The following EVA1A variants were observed in gnomAD, a reference collection of about 807,000 sequenced individuals.
EVA1A encodes eva-1 homolog A, regulator of programmed cell death, also known as protein eva-1 homolog A.
A neutral mutation model predicts 9.8 loss-of-function variants in EVA1A; 7 were observed. That is an observed-to-expected ratio of 0.71 (90% CI 0.41 to 1.34). EVA1A has a LOEUF of 1.34. Ranked by LOEUF, EVA1A falls within the 40% of genes most tolerant of loss-of-function variation. The probability of loss-of-function intolerance (pLI) is 0.01; values close to 1 mark genes in which losing one functional copy is unlikely to be tolerated. For missense variants in EVA1A, 206 were observed against 205.9 expected (o/e 1.00, Z 0.00); for synonymous variants, 90 against 85.6 (o/e 1.05, Z -0.28).
chr2:75,508,397 T>A (rs895297637), intron 3 of EVA1A, among the ~76,000 whole-genome samples: 1 of 152,146 alleles, frequency 6.6e-6, no homozygotes, highest in Non-Finnish European at 1.5e-5. Context: ...CCTGGGGGTA[T>A]GGGTCTATAA....
At chr2:75,508,417 AG>A (rs1049309290) in intron 3 of EVA1A, among the ~76,000 whole-genome samples, 94 of 152,258 alleles carry the variant, frequency 6.2e-4, no homozygotes, top group African/African-American at 2.1e-3. Flanking sequence ...AACGGCCTGT[AG>A]GGGTGAAATA....
Position 75,493,034 on chromosome 2 carries a change from T to C in EVA1A, c.*202A>G. The C allele has an allele frequency of 5.7e-6, 4 of 697,230 alleles. No individual in the cohort carries two copies. The highest frequency in any genetic ancestry group is 4.2e-4 in the Middle Eastern group (1 of 2,366). The allele number at this position is 697,230 out of a possible 1,614,324, so 43.2% of individuals were successfully genotyped here. A position where few individuals can be genotyped will look rare whatever the true frequency, so the allele number is the denominator to read the frequency against. ...GCACCATTCCGAGACCTGGAAAGGG[T>C]GATGAACTGCTTTGATTTTTCTACT... On this transcript the variant is annotated 3_prime_UTR_variant, in exon 4 of 4. Coordinates refer to ENST00000393913, the MANE Select transcript of EVA1A (RefSeq NM_001135032.2).
At chr2:75,513,070 C>A (rs1293674405) in intron 3 of EVA1A, among the ~76,000 whole-genome samples, 1 of 152,138 alleles carries the variant, frequency 6.6e-6, no homozygotes, top group Non-Finnish European at 1.5e-5. Context: ...TCAGCCTGAA[C>A]AACAGCAGCC....
At chr2:75,516,846 C>T (rs1378697581) in intron 3 of EVA1A, among the ~76,000 whole-genome samples, 1 of 152,210 alleles carries the variant, frequency 6.6e-6, no homozygotes, top group East Asian at 1.9e-4. Flanking sequence ...AACCTCTCTT[C>T]CAGCTCTTGT....
intron 1 of EVA1A, among the ~76,000 whole-genome samples, chr2:75,536,519 G>C (rs1250885099): frequency 6.6e-6 from 1 of 151,072 alleles, no homozygotes; most frequent in African/African-American, 2.4e-5. Context: ...ATTACCAGAG[G>C]GTCTTTGAAA....
chr2:75,503,143 TC>T (rs774342362), intron 3 of EVA1A, among the ~76,000 whole-genome samples: 95 of 152,280 alleles, frequency 6.2e-4, no homozygotes, highest in Non-Finnish European at 1.3e-3. Context: ...ATTCACTGGA[TC>T]CCAAGCTGGT....
At chr2:75,534,686 A>G (rs1288290856) in intron 1 of EVA1A, among the ~76,000 whole-genome samples, 1 of 151,846 alleles carries the variant, frequency 6.6e-6, no homozygotes, top group Non-Finnish European at 1.5e-5. Flanking sequence ...GTTTGCAAAT[A>G]TTTTCTCTCA....
chr2:75,569,106 A>G (rs1458125467), intron 1 of EVA1A, among the ~76,000 whole-genome samples: 1 of 152,112 alleles, frequency 6.6e-6, no homozygotes, highest in East Asian at 1.9e-4. Context: ...TTCCCCTTTC[A>G]TCACGTCCAT....
rs2103756970 is a variant in EVA1A, at chr2:75,493,205, C to T, written c.*31G>A. 6.3e-7 allele frequency: 1 copy of T among 1,577,800 alleles called. No homozygotes were observed. ...TGCAGACGCTCTCCTTTCCAGGCGG[C>T]CTCCAGTGGTTTCCGGGGTCCTGCT... On this transcript the variant is annotated 3_prime_UTR_variant, in exon 4 of 4. Coordinates refer to ENST00000393913, the MANE Select transcript of EVA1A (RefSeq NM_001135032.2).
rs147609315 is a variant in EVA1A at position 75,530,220 on chromosome 2, T to C, written c.-191-7733A>G. Among the ~76,000 whole-genome samples the C allele has an allele frequency of 9.1e-4, 139 of 151,986 alleles. 1 individual carries two copies. Among genetic ancestry groups the C allele is most frequent in the African/African-American group, 3.2e-3 (131 of 41,474 alleles). On this transcript the variant is annotated intron_variant, in intron 1 of 3. Coordinates refer to ENST00000393913, the MANE Select transcript of EVA1A (RefSeq NM_001135032.2). ...ACCAGGAAGAAACAGTAACTCTGAA[T>C]AGATCAATAACAAGTAGCAAGATTG...
At chr2:75,539,171 G>T (rs1676024987) in intron 1 of EVA1A, among the ~76,000 whole-genome samples, 1 of 152,266 alleles carries the variant, frequency 6.6e-6, no homozygotes, top group Non-Finnish European at 1.5e-5. Context: ...GTTCAACCAG[G>T]ATATTAGGGG....
intron 2 of EVA1A, among the ~76,000 whole-genome samples, chr2:75,519,594 G>C (rs576427467): frequency 7.2e-4 from 109 of 152,276 alleles, no homozygotes; most frequent in African/African-American, 2.3e-3. Flanking sequence ...CTGCTGTTAA[G>C]GGACCCTTGA....
intron 1 of EVA1A, among the ~76,000 whole-genome samples, chr2:75,559,725 C>CGGGGGGG: frequency 7.7e-6 from 1 of 129,742 alleles, no homozygotes; most frequent in African/African-American, 3.2e-5. Context: ...GTTGGGGGGA[C>CGGGGGGG]GGTTCTTGCT....
intron 3 of EVA1A, among the ~76,000 whole-genome samples, chr2:75,505,015 C>A (rs1057421478): frequency 3.3e-5 from 5 of 152,150 alleles, no homozygotes; most frequent in Non-Finnish European, 5.9e-5. Context: ...CAATAGGCAA[C>A]CCACAAGGAA....
chr2:75,529,548 T>A (rs1289176026), intron 1 of EVA1A, among the ~76,000 whole-genome samples: 1 of 152,154 alleles, frequency 6.6e-6, no homozygotes, highest in Non-Finnish European at 1.5e-5. Context: ...TATTGACTAC[T>A]CTCTCAGACC....
At chr2:75,549,527 G>C (rs982007358) in intron 1 of EVA1A, among the ~76,000 whole-genome samples, 2 of 152,192 alleles carry the variant, frequency 1.3e-5, no homozygotes, top group African/African-American at 4.8e-5. Flanking sequence ...CCAGGTGAGA[G>C]ACCTGGCTGG....
intron 1 of EVA1A, among the ~76,000 whole-genome samples, chr2:75,549,980 C>A (rs1245466184): frequency 6.6e-6 from 1 of 152,150 alleles, no homozygotes; most frequent in Non-Finnish European, 1.5e-5. Flanking sequence ...AGCTGAATTT[C>A]TTGTTTAAGT....
At chr2:75,564,741 C>A (rs2104005899), upstream of EVA1A, among the ~76,000 whole-genome samples, 1 of 152,318 alleles carries the variant, frequency 6.6e-6, no homozygotes, top group Admixed American at 6.5e-5. Context: ...AAGACTCTAG[C>A]CACATTCCTA....
intron 2 of EVA1A, among the ~76,000 whole-genome samples, chr2:75,520,012 C>T (rs1002600232): frequency 4.6e-5 from 7 of 152,144 alleles, no homozygotes; most frequent in Admixed American, 2.0e-4. Flanking sequence ...TAATGAATTT[C>T]CATTGACCTC....
Sources: allele counts gnomAD v4.1 joint callset (sites outside exome capture counted in the v4.1 genomes callset), GRCh38; gene constraint gnomAD v4.1.1; transcripts MANE v1.5; gene names NCBI Gene and HGNC (gene_info 2026-07-23, HGNC 2026-07-21).